EML6: variants seen among roughly 807,000 people sequenced by gnomAD.
EML6 encodes the protein EMAP like 6.
Under a neutral mutation model 240.1 loss-of-function variants are expected in EML6, and 154 were observed. The ratio of observed to expected loss-of-function variants is 0.64; its 90% confidence interval spans 0.56 to 0.73. The LOEUF (loss-of-function observed/expected upper bound fraction) is 0.73. Ranked by LOEUF, EML6 falls within the 30% of genes least tolerant of loss-of-function variation. The probability of loss-of-function intolerance (pLI) is 0.00; values close to 1 mark genes in which losing one functional copy is unlikely to be tolerated. For synonymous variants in EML6, 1,148 were observed against 899.0 expected (o/e 1.28, Z -4.95); for missense variants, 2,964 against 2,474.6 (o/e 1.20, Z -4.20).
At chr2:54,808,569 TGAGA>T (rs894616859) in intron 2 of EML6, among the ~76,000 whole-genome samples, 1 of 152,132 alleles carries the variant, frequency 6.6e-6, no homozygotes, top group African/African-American at 2.4e-5. Flanking sequence ...AAATTATTAC[TGAGA>T]GAATCACTGA....
At chr2:54,813,176 G>T (rs1272859704) in intron 2 of EML6, 56 bp from the exon 3 acceptor site, 18 of 1,248,358 alleles carry the variant, frequency 1.4e-5, no homozygotes, top group South Asian at 1.4e-4. Flanking sequence ...TTGGATAAAA[G>T]GTGATCAGTG....
At chr2:54,901,031 A>C (rs970844851) in intron 22 of EML6, among the ~76,000 whole-genome samples, 3 of 152,230 alleles carry the variant, frequency 2.0e-5, no homozygotes, top group Admixed American at 2.0e-4. Flanking sequence ...TAATAAAATG[A>C]AGAAAGGTGT....
In EML6 at chr2:54,928,525, C is replaced by G. The variant is rs369842754; in HGVS notation, c.3877+11C>G. ...TGGAAGAGGATGGAGGTGAGCCCCC[C>G]ACCTGCCACATGCCTCCTGCGCCGA... On this transcript the variant is annotated intron_variant, in intron 27 of 41. Transcript: ENST00000356458. 5.2e-6 allele frequency: 8 copies of G among 1,544,486 alleles called. No individual in the cohort carries two copies. In the African/African-American group the frequency reaches 6.8e-5, roughly 13 times the overall value.
chr2:54,791,311 T>G (rs1669439665), intron 2 of EML6, among the ~76,000 whole-genome samples: 1 of 152,228 alleles, frequency 6.6e-6, no homozygotes, highest in Non-Finnish European at 1.5e-5. Context: ...TCATCTCTTT[T>G]GAAGATAATT....
rs1199170371 is a variant in EML6, at chr2:54,971,128, T to C, written c.*1033T>C. On this transcript the variant is annotated 3_prime_UTR_variant, in exon 42 of 42. Coordinates refer to ENST00000356458, the MANE Select transcript of EML6 (RefSeq NM_001039753.4). ...GTGGAGTTGAGGTGACTTCATTTGATTGCTTCAGGCGAACTATATAGGTCA... is the reference window on the plus strand; with the variant it reads ...GTGGAGTTGAGGTGACTTCATTTGACTGCTTCAGGCGAACTATATAGGTCA... The C allele has an allele frequency of 2.0e-5, 3 of 152,220 alleles. No homozygotes were observed. The highest frequency in any genetic ancestry group is 1.3e-4 in the Admixed American group (2 of 15,282). The allele number at this position is 152,220 out of a possible 1,614,324, so 9.4% of individuals were successfully genotyped here.
intron 35 of EML6, among the ~76,000 whole-genome samples, chr2:54,961,187 T>G (rs74259988): frequency 0.14 from 677 of 4,906 alleles, 90 homozygotes; most frequent in Middle Eastern, 0.5. Context: ...GGAAGTAGTT[T>G]TTTTTTTTTT....
chr2:54,929,526 G>A (rs1351128086), intron 28 of EML6, among the ~76,000 whole-genome samples: 2 of 152,158 alleles, frequency 1.3e-5, no homozygotes, highest in Non-Finnish European at 2.9e-5. Context: ...AATTCTGTTG[G>A]CTGTTCACAT....
chr2:54,823,293 G>GA lies in EML6; in HGVS notation c.525+2833dup, dbSNP rs571290422. Among the ~76,000 whole-genome samples the GA allele has an allele frequency of 2.1e-4, 32 of 152,264 alleles. 1 individual carries two copies. The East Asian group carries it at 6.2e-3, about 29-fold the overall frequency. On this transcript the variant is annotated intron_variant, in intron 5 of 41. Transcript: ENST00000356458. ...CTCAGTGGGTGGGTGAGTTTGGTAG[G>GA]AAGGGTCGGGAGGCAGAACTAGGCG...
At chr2:54,729,718 C>G (rs191243505) in intron 2 of EML6, among the ~76,000 whole-genome samples, 77 of 152,330 alleles carry the variant, frequency 5.1e-4, no homozygotes, top group Admixed American at 2.8e-3. Context: ...TCTTCCTAAC[C>G]AGAAGGTAGT....
At chr2:54,737,205 A>G (rs944717214) in intron 2 of EML6, among the ~76,000 whole-genome samples, 2 of 152,230 alleles carry the variant, frequency 1.3e-5, no homozygotes, top group African/African-American at 4.8e-5. Context: ...TGAAATACTT[A>G]GGAGTGAAGA....
chr2:54,803,942 C>G (rs550690668), intron 2 of EML6, among the ~76,000 whole-genome samples: 10 of 152,322 alleles, frequency 6.6e-5, no homozygotes, highest in African/African-American at 2.4e-4. Flanking sequence ...ATGATGAAAT[C>G]ACATTGAATT....
intron 2 of EML6, among the ~76,000 whole-genome samples, chr2:54,733,383 A>C (rs1323044325): frequency 6.6e-6 from 1 of 152,190 alleles, no homozygotes; most frequent in Non-Finnish European, 1.5e-5. Context: ...TCTTCTAAGT[A>C]AGGGATCATC....
intron 28 of EML6, among the ~76,000 whole-genome samples, chr2:54,937,704 G>T (rs7586885): frequency 0.32 from 48,049 of 151,358 alleles, 7,873 homozygotes; most frequent in African/African-American, 0.34. Context: ...TCACTGATTT[G>T]TTAGATTTTA....
chr2:54,859,700 A>G lies in EML6; in HGVS notation c.1824A>G (p.Gln608=), dbSNP rs1670575295. The G allele has an allele frequency of 1.3e-6, 2 of 1,528,390 alleles. No homozygotes were observed. Among genetic ancestry groups the G allele is most frequent in the African/African-American group, 1.4e-5 (1 of 71,632 alleles). The allele number at this position is 1,528,390 out of a possible 1,614,324, so 94.7% of individuals were successfully genotyped here. The part of the protein sequence containing the change: ...VSNGMLETAP[Q]EGGADSYSEE... ...ACGGCATGCTGGAAACTGCACCCCA[A>G]GGTAAACCCAGCAATAATTTCTTAA... is the stretch of plus-strand genomic sequence containing the variant. Residue 608 remains glutamine, a splice_region_variant and synonymous_variant, in exon 12 of 42, where the codon CAA becomes CAG. Coordinates refer to ENST00000356458, the MANE Select transcript of EML6 (RefSeq NM_001039753.4).
chr2:54,872,428 C>G (rs1352338147), intron 16 of EML6, among the ~76,000 whole-genome samples: 1 of 152,048 alleles, frequency 6.6e-6, no homozygotes, highest in African/African-American at 2.4e-5. Flanking sequence ...CCTGATTGTT[C>G]TCCCCTGTCC....
At chr2:54,816,984 A>T in intron 4 of EML6, 99 bp downstream of exon 4, 1 of 732,766 alleles carries the variant, frequency 1.4e-6, no homozygotes, top group South Asian at 1.7e-5. Flanking sequence ...TAAATATTTC[A>T]GTATACATTT....
At chr2:54,943,512 C>G (rs1675534050) in intron 28 of EML6, among the ~76,000 whole-genome samples, 1 of 152,182 alleles carries the variant, frequency 6.6e-6, no homozygotes, top group South Asian at 2.1e-4. Flanking sequence ...CAACCTTTTT[C>G]CTTTCTCATT....
intron 10 of EML6, among the ~76,000 whole-genome samples, chr2:54,853,051 T>C (rs980127916): frequency 2.6e-5 from 4 of 152,242 alleles, no homozygotes; most frequent in African/African-American, 9.6e-5. Flanking sequence ...CTAGTACTTA[T>C]AAATTTAAAT....
intron 2 of EML6, among the ~76,000 whole-genome samples, chr2:54,801,947 G>T (rs1298667684): frequency 6.6e-6 from 1 of 152,186 alleles, no homozygotes. Flanking sequence ...TGTCTGGAGA[G>T]TTCGTGACAG....
Sources: gnomAD v4.1 joint callset for allele counts (sites outside exome capture counted in the v4.1 genomes callset) on GRCh38, gnomAD v4.1.1 for gene constraint, MANE v1.5 for transcripts, NCBI Gene and HGNC (gene_info 2026-07-23, HGNC 2026-07-21) for gene names.